Variants in CNTN6 observed in about 807,000 individuals in gnomAD.
The protein encoded by CNTN6 is contactin 6.
Under a neutral mutation model 122.8 loss-of-function variants are expected in CNTN6, and 137 were observed. The ratio of observed to expected loss-of-function variants is 1.12; its 90% CI spans 0.97 to 1.29. The LOEUF is 1.29. Among genes scored for constraint, CNTN6 ranks in the 50% most tolerant of loss-of-function variants. CNTN6 has a pLI of 0.00. For synonymous variants in CNTN6, 570 were observed against 426.0 expected (o/e 1.34, Z -4.16); for missense variants, 1,634 against 1,223.4 (o/e 1.34, Z -5.01).
At chr3:1,348,386 A>G (rs940639499) in intron 11 of CNTN6, among the ~76,000 whole-genome samples, 5 of 151,912 alleles carry the variant, frequency 3.3e-5, no homozygotes, top group Non-Finnish European at 5.9e-5. Flanking sequence ...TAAGATATCT[A>G]TGGTTAAAAC....
In CNTN6 at chr3:1,110,158, C is replaced by G. The variant is rs80047228; in HGVS notation, c.-83+17038C>G. Among the ~76,000 whole-genome samples the G allele has an allele frequency of 7.2e-5, 11 of 152,122 alleles. No individual in the cohort carries two copies. In the East Asian group the frequency reaches 2.1e-3, roughly 29 times the overall value. On this transcript the variant is annotated intron_variant, in intron 1 of 22. Transcript: ENST00000446702. ...CAGGTGCATTCAAAAGGCAGTGAAC[C>G]AAGTCCTATAAAAACAGATAGAAGA...
At chr3:1,198,541 G>A (rs1051849639) in intron 2 of CNTN6, among the ~76,000 whole-genome samples, 2 of 151,990 alleles carry the variant, frequency 1.3e-5, no homozygotes, top group Non-Finnish European at 2.9e-5. Context: ...TGACCAACAT[G>A]GTGAAACCCG....
Position 1,227,730 on chromosome 3 carries a change from G to A in CNTN6, c.183-88G>A, listed in dbSNP as rs1005153909. On this transcript the variant is annotated intron_variant, in intron 3 of 22. Transcript: ENST00000446702. ...ATCATGTTTTTTGGTGTTTTTTATA[G>A]TTGCAGGAATTAGAACTACATGTTT... 3.0e-6 allele frequency: 4 copies of A among 1,352,128 alleles called. No individual in the cohort carries two copies. In the African/African-American group the frequency reaches 5.9e-5, roughly 20 times the overall value. 83.8% of individuals were successfully genotyped at this position (1,352,128 alleles called of 1,614,324 possible).
intron 12 of CNTN6, among the ~76,000 whole-genome samples, chr3:1,361,104 G>T (rs1284803707): frequency 6.6e-6 from 1 of 152,010 alleles, no homozygotes; most frequent in African/African-American, 2.4e-5. Context: ...TCTCCCAGGG[G>T]ACATTGGCAA....
At chr3:1,311,268 T>A (rs1023368575) in intron 7 of CNTN6, among the ~76,000 whole-genome samples, 1 of 146,734 alleles carries the variant, frequency 6.8e-6, no homozygotes, top group African/African-American at 2.5e-5. Flanking sequence ...TATATGTGTA[T>A]ATATACATAC....
chr3:1,297,597 A>C (rs1225646238), intron 6 of CNTN6, among the ~76,000 whole-genome samples: 4 of 150,594 alleles, frequency 2.7e-5, no homozygotes, highest in Non-Finnish European at 5.9e-5. Context: ...GTGGACTTCT[A>C]CCAGTGTTAG....
rs777456474 is a variant in CNTN6 at position 1,327,795 on chromosome 3, A to G, written c.1213+209A>G. Among the ~76,000 whole-genome samples the G allele has an allele frequency of 5.9e-5, 9 of 151,920 alleles. No homozygotes were observed. In the South Asian group the frequency reaches 1.2e-3, roughly 21 times the overall value. ...CTGGGGCTTCAGAAAAAAACCCACC[A>G]TTGGGTGCATCCAAACCGGAGGAAG... On this transcript the variant is annotated intron_variant, in intron 10 of 22. Transcript: ENST00000446702.
At chr3:1,267,937 T>C (rs1003209164) in intron 4 of CNTN6, among the ~76,000 whole-genome samples, 1 of 152,166 alleles carries the variant, frequency 6.6e-6, no homozygotes, top group African/African-American at 2.4e-5. Context: ...CTTGATGACT[T>C]TCCCACATGA....
chr3:1,208,100 T>A (rs2093982533), intron 2 of CNTN6, among the ~76,000 whole-genome samples: 1 of 152,090 alleles, frequency 6.6e-6, no homozygotes, highest in Admixed American at 6.6e-5. Context: ...AAACGTTTGA[T>A]AAATAATCTC....
intron 11 of CNTN6, among the ~76,000 whole-genome samples, chr3:1,341,584 A>C (rs1180975261): frequency 6.6e-6 from 1 of 152,208 alleles, no homozygotes; most frequent in Non-Finnish European, 1.5e-5. Flanking sequence ...GCTATTTAGC[A>C]ACTGCTCTTA....
At position 1,401,472 on chromosome 3, in the gene CNTN6, C is replaced by G; in HGVS notation, c.2744C>G (p.Thr915Arg). Reference sequence around the variant, plus strand: ...CCAGCAAACATTGCCTGGAAGCTGACAAACTCTAAATTATGCTTGAACTGG... The same window carrying G: ...CCAGCAAACATTGCCTGGAAGCTGAGAAACTCTAAATTATGCTTGAACTGG... ...QPPANIAWKLTNSKLCLNWEH... is the reference protein window; with the variant it reads ...QPPANIAWKLRNSKLCLNWEH... The change falls in exon 21 of 23, where the codon ACA becomes AGA. Residue 915 changes from threonine to arginine, a missense_variant. By Grantham distance (71) the Thr-to-Arg change is moderately conservative (BLOSUM62 -1). Transcript: ENST00000446702. 6.2e-7 allele frequency: 1 copy of G among 1,612,118 alleles called. No homozygotes were observed. The highest frequency in any genetic ancestry group is 1.1e-5 in the South Asian group (1 of 90,988).
intron 2 of CNTN6, among the ~76,000 whole-genome samples, chr3:1,157,269 G>A (rs2092995784): frequency 6.6e-6 from 1 of 151,450 alleles, no homozygotes; most frequent in Non-Finnish European, 1.5e-5. Context: ...CCAGGCTGGA[G>A]TGCGGTGGCA....
intron 12 of CNTN6, among the ~76,000 whole-genome samples, chr3:1,362,139 G>C (rs1707552661): frequency 6.6e-6 from 1 of 152,102 alleles, no homozygotes; most frequent in South Asian, 2.1e-4. Context: ...CTAAGATCCA[G>C]ACTCAATTCA....
intron 20 of CNTN6, among the ~76,000 whole-genome samples, chr3:1,388,208 G>T (rs1454898396): frequency 1.3e-5 from 2 of 149,996 alleles, no homozygotes; most frequent in South Asian, 2.2e-4. Flanking sequence ...CATGCAGCTG[G>T]AGATCTGAGA....
chr3:1,384,760 C>CATATATATACACATATATATAT (rs1204538491), intron 19 of CNTN6, among the ~76,000 whole-genome samples: 2 of 100,080 alleles, frequency 2.0e-5, no homozygotes, highest in South Asian at 3.1e-4. Flanking sequence ...CATATATATA[C>CATATATATACACATATATATAT]ATATATATAC....
chr3:1,357,237 C>G (rs910682395), intron 12 of CNTN6, among the ~76,000 whole-genome samples: 31 of 151,848 alleles, frequency 2.0e-4, no homozygotes, highest in Admixed American at 4.0e-4. Flanking sequence ...GGGTGTATAG[C>G]TAGTGGTTTA....
intron 2 of CNTN6, among the ~76,000 whole-genome samples, chr3:1,150,842 G>C (rs917235028): frequency 2.0e-5 from 3 of 152,164 alleles, no homozygotes; most frequent in Non-Finnish European, 4.4e-5. Context: ...GGACTATCCA[G>C]ATTGTAAGAA....
At chr3:1,102,496 C>G (rs1033821421) in intron 1 of CNTN6, among the ~76,000 whole-genome samples, 2 of 151,834 alleles carry the variant, frequency 1.3e-5, no homozygotes, top group East Asian at 1.9e-4. Flanking sequence ...TTTGGGAGGC[C>G]GAGGTGGGCG....
intron 7 of CNTN6, among the ~76,000 whole-genome samples, chr3:1,300,265 C>T (rs1177720074): frequency 1.3e-5 from 2 of 152,026 alleles, no homozygotes; most frequent in African/African-American, 2.4e-5. Flanking sequence ...GGATGACAGG[C>T]GTGAGCCACT....
Sources: gnomAD v4.1 joint callset for allele counts (sites outside exome capture counted in the v4.1 genomes callset) on GRCh38, gnomAD v4.1.1 for gene constraint, MANE v1.5 for transcripts, NCBI Gene and HGNC (gene_info 2026-07-23, HGNC 2026-07-21) for gene names.